Variants in RFC1 observed in about 807,000 individuals in gnomAD.
The protein encoded by RFC1 is A1 140 kDa subunit.
RFC1 carries 37 observed loss-of-function variants against 137.4 expected under a neutral mutation model. That is an observed-to-expected ratio of 0.27 (90% CI 0.21 to 0.35). The LOEUF (loss-of-function observed/expected upper bound fraction) is 0.35. Among genes scored for constraint, RFC1 ranks in the 10% least tolerant of loss-of-function variants. The pLI is 1.00. For missense variants in RFC1, 1,205 were observed against 1,358.5 expected, an observed-to-expected ratio of 0.89 and a Z score of 1.78; for synonymous variants, 429 against 455.7, an observed-to-expected ratio of 0.94 and a Z score of 0.75.
chr4:39,330,516 T>C (rs902089042), intron 4 of RFC1, among the ~76,000 whole-genome samples: 1 of 152,034 alleles, frequency 6.6e-6, no homozygotes, highest in Non-Finnish European at 1.5e-5. Context: ...ATATATCCAT[T>C]AGATGGCTCC....
At chr4:39,332,546 C>T (rs1287061129) in intron 4 of RFC1, among the ~76,000 whole-genome samples, 1 of 152,190 alleles carries the variant, frequency 6.6e-6, no homozygotes, top group African/African-American at 2.4e-5. Context: ...GACTTAAATA[C>T]TTTCAAAATC....
At chr4:39,346,443 G>A (rs1406576572) in intron 2 of RFC1, among the ~76,000 whole-genome samples, 1 of 150,918 alleles carries the variant, frequency 6.6e-6, no homozygotes, top group Admixed American at 6.6e-5. Context: ...GCCATTGCAT[G>A]CCAGCCTGGG....
At chr4:39,354,997 G>A (rs1462076687) in intron 1 of RFC1, among the ~76,000 whole-genome samples, 1 of 150,256 alleles carries the variant, frequency 6.7e-6, no homozygotes, top group African/African-American at 2.5e-5. Flanking sequence ...CACAAGAATC[G>A]CTTGAACCTG....
At position 39,342,377 on chromosome 4, in the gene RFC1, C is replaced by T. The variant is rs757953728; in HGVS notation, c.299G>A (p.Arg100Gln). 18 of 1,613,072 alleles carry T rather than the reference C, an allele frequency of 1.1e-5. No homozygotes were observed. In the South Asian group the frequency reaches 1.3e-4, roughly 12 times the overall value. The part of the protein sequence containing the change: ...PVSSKPGKIS[R>Q]QDPVTYISET... ...TGAAATGTATGTAACAGGATCCTGC[C>T]GTGAAATTTTACCAGGTTTAGAAGA... The change falls in exon 4 of 25, where the codon CGG becomes CAG. Residue 100 changes from arginine (R) to glutamine (Q), a missense_variant. Physicochemically the swap from Arg to Gln is conservative, Grantham distance 43. Coordinates refer to ENST00000349703, the MANE Select transcript of RFC1 (RefSeq NM_002913.5).
intron 1 of RFC1, 150 bp downstream of exon 1, chr4:39,366,089 C>A: frequency 1.2e-6 from 1 of 819,050 alleles, no homozygotes; most frequent in South Asian, 2.1e-5. Flanking sequence ...CGTCCAGTGC[C>A]CGGTGTGCGG....
chr4:39,329,460 C>A (rs1453667798), intron 4 of RFC1, among the ~76,000 whole-genome samples: 1 of 151,612 alleles, frequency 6.6e-6, no homozygotes, highest in Non-Finnish European at 1.5e-5. Flanking sequence ...CGTAGCGGTG[C>A]GCGCCTGTAG....
At chr4:39,332,349 C>T (rs28591300) in intron 4 of RFC1, among the ~76,000 whole-genome samples, 72,536 of 151,984 alleles carry the variant, frequency 0.48, 17,554 homozygotes, top group African/African-American at 0.52. Context: ...TTTATCAGCA[C>T]CTCTGCTATT....
At chr4:39,313,054 A>C in intron 10 of RFC1, 123 bp from the exon 11 acceptor site, 1 of 817,856 alleles carries the variant, frequency 1.2e-6, no homozygotes. Context: ...CTTGGCATGG[A>C]AAGTTTGCTG....
At chr4:39,312,512 A>G (rs1023161124) in intron 11 of RFC1, among the ~76,000 whole-genome samples, 2 of 152,248 alleles carry the variant, frequency 1.3e-5, no homozygotes, top group Non-Finnish European at 2.9e-5. Flanking sequence ...AAAATAAAAA[A>G]AGACTTAAAC....
chr4:39,355,096 A>ACACACACAC (rs59993299), intron 1 of RFC1, among the ~76,000 whole-genome samples: 2 of 60,160 alleles, frequency 3.3e-5, no homozygotes, highest in Non-Finnish European at 6.4e-5. Context: ...AAAAAAAAAA[A>ACACACACAC]ATACACACAC....
intron 3 of RFC1, among the ~76,000 whole-genome samples, 177 bp from the exon 4 acceptor site, chr4:39,342,644 C>T (rs988187596): frequency 6.6e-6 from 1 of 152,050 alleles, no homozygotes; most frequent in Non-Finnish European, 1.5e-5. Context: ...TTTCCTATTC[C>T]AGCTATAATA....
chr4:39,346,772 A>G (rs1740882728), intron 2 of RFC1, among the ~76,000 whole-genome samples: 1 of 152,192 alleles, frequency 6.6e-6, no homozygotes, highest in Non-Finnish European at 1.5e-5. Flanking sequence ...CCACACCTCA[A>G]AAGTAAGAGA....
At chr4:39,300,581 C>T (rs1008049900) in intron 19 of RFC1, among the ~76,000 whole-genome samples, 167 bp from the exon 20 acceptor site, 3 of 152,272 alleles carry the variant, frequency 2.0e-5, no homozygotes, top group South Asian at 4.1e-4. Flanking sequence ...ACTCTTACCA[C>T]GCGATCCAGC....
chr4:39,293,948 T>C (rs1327996145), intron 22 of RFC1, among the ~76,000 whole-genome samples: 1 of 152,160 alleles, frequency 6.6e-6, no homozygotes, highest in Non-Finnish European at 1.5e-5. Context: ...TGGCTGATGG[T>C]CCCTGTCTCT....
intron 12 of RFC1, among the ~76,000 whole-genome samples, chr4:39,309,932 C>T (rs1383308821): frequency 1.3e-5 from 2 of 152,114 alleles, no homozygotes; most frequent in Non-Finnish European, 2.9e-5. Context: ...CTTCTCCTGC[C>T]AAGACAGTTA....
At chr4:39,304,000 T>C (rs529021340) in intron 15 of RFC1, among the ~76,000 whole-genome samples, 22 of 152,302 alleles carry the variant, frequency 1.4e-4, no homozygotes, top group African/African-American at 4.6e-4. Context: ...ATTCCAGCAA[T>C]TGGAATTTCT....
At chr4:39,296,778 T>C (rs1477312515) in intron 21 of RFC1, among the ~76,000 whole-genome samples, 1 of 149,362 alleles carries the variant, frequency 6.7e-6, no homozygotes, top group Admixed American at 6.6e-5. Context: ...AGTAATGGGA[T>C]GGCTGGGTCA....
intron 10 of RFC1, among the ~76,000 whole-genome samples, chr4:39,315,304 C>T (rs1427541380): frequency 1.3e-5 from 2 of 152,210 alleles, no homozygotes; most frequent in Non-Finnish European, 2.9e-5. Context: ...CTCTCTCTTC[C>T]CTTTGCTTCT....
chr4:39,290,364 T>G (rs1737602737), intron 23 of RFC1, among the ~76,000 whole-genome samples: 1 of 116,252 alleles, frequency 8.6e-6, no homozygotes, highest in Non-Finnish European at 1.7e-5. Flanking sequence ...CAGAGTGAGA[T>G]TCTGTCTAAA....
Sources: allele counts gnomAD v4.1 joint callset (sites outside exome capture counted in the v4.1 genomes callset), GRCh38; gene constraint gnomAD v4.1.1; transcripts MANE v1.5; gene names NCBI Gene and HGNC (gene_info 2026-07-23, HGNC 2026-07-21).